NYAP2: variants seen among roughly 807,000 people sequenced by gnomAD.
NYAP2 encodes the protein neuronal tyrosine-phosphorylated phosphoinositide-3-kinase adapter 2.
In NYAP2, 23 loss-of-function variants were observed where a neutral mutation model predicts 50.4. The ratio of observed to expected loss-of-function variants is 0.46; its 90% CI spans 0.33 to 0.65. The LOEUF is 0.65. Among genes scored for constraint, NYAP2 ranks in the 30% least tolerant of loss-of-function variants. NYAP2 has a pLI of 0.02. For synonymous variants in NYAP2, 394 were observed against 365.2 expected, an observed-to-expected ratio of 1.08 and a Z score of -0.90; for missense variants, 885 against 861.0, an observed-to-expected ratio of 1.03 and a Z score of -0.35.
chr2:225,422,910 A>G (rs957668101), intron 3 of NYAP2, among the ~76,000 whole-genome samples: 11 of 152,178 alleles, frequency 7.2e-5, no homozygotes, highest in African/African-American at 2.4e-4. Flanking sequence ...GCTAGCTATC[A>G]GAAGCTCTCA....
At chr2:225,579,912 A>G (rs981176543) in intron 4 of NYAP2, among the ~76,000 whole-genome samples, 4 of 152,338 alleles carry the variant, frequency 2.6e-5, no homozygotes, top group African/African-American at 9.6e-5. Flanking sequence ...ATAATTCTAA[A>G]TATGATTATT....
At chr2:225,687,676 T>C in the NYAP2 span, among the ~76,000 whole-genome samples, 1 of 152,186 alleles carries the variant, frequency 6.6e-6, no homozygotes, top group Non-Finnish European at 1.5e-5. Context: ...TGCATAGAGA[T>C]ACATGGATAC....
At chr2:225,471,991 C>T (rs1415266453) in intron 3 of NYAP2, among the ~76,000 whole-genome samples, 1 of 152,150 alleles carries the variant, frequency 6.6e-6, no homozygotes, top group Non-Finnish European at 1.5e-5. Flanking sequence ...ATTCCCTGAA[C>T]TGGGTATGTA....
chr2:225,645,897 C>CTT (rs1693628520), intron 6 of NYAP2, among the ~76,000 whole-genome samples: 2 of 43,804 alleles, frequency 4.6e-5, no homozygotes, highest in African/African-American at 1.7e-4. Flanking sequence ...TTTAGATGCA[C>CTT]AGATCCTAAA....
At chr2:225,512,284 A>G (rs1374554930) in intron 3 of NYAP2, among the ~76,000 whole-genome samples, 2 of 152,234 alleles carry the variant, frequency 1.3e-5, no homozygotes, top group Non-Finnish European at 2.9e-5. Context: ...CTGAATATTT[A>G]TGAAGTATTA....
chr2:225,609,614 A>T (rs1206381796), intron 5 of NYAP2, among the ~76,000 whole-genome samples: 1 of 151,992 alleles, frequency 6.6e-6, no homozygotes, highest in Non-Finnish European at 1.5e-5. Context: ...GGCTTCATGG[A>T]CTCCTTGTCC....
At chr2:225,547,857 T>C (rs1190445300) in intron 4 of NYAP2, among the ~76,000 whole-genome samples, 1 of 152,126 alleles carries the variant, frequency 6.6e-6, no homozygotes, top group Non-Finnish European at 1.5e-5. Context: ...TCCCGTGGGG[T>C]TGGGGTGGTG....
chr2:225,576,024 T>A (rs1181952986), intron 4 of NYAP2, among the ~76,000 whole-genome samples: 1 of 152,236 alleles, frequency 6.6e-6, no homozygotes, highest in Non-Finnish European at 1.5e-5. Flanking sequence ...AATGAACACT[T>A]CAAAGAACAG....
chr2:225,612,731 C>T (rs1339298793), intron 5 of NYAP2, among the ~76,000 whole-genome samples: 5 of 143,724 alleles, frequency 3.5e-5, no homozygotes, highest in South Asian at 2.1e-4. Context: ...GCACTAATCC[C>T]GTCATGGAGG....
At position 225,464,609 on chromosome 2, in the gene NYAP2, T is replaced by C. The variant is rs116758751; in HGVS notation, c.222-48762T>C. 4.7e-3 allele frequency among the ~76,000 whole-genome samples: 714 copies of C among 152,344 alleles called. 6 individuals are homozygous for C. The highest frequency in any genetic ancestry group is 0.016 in the African/African-American group (665 of 41,572). On this transcript the variant is annotated intron_variant, in intron 3 of 6. Transcript: ENST00000636099. ...GGGACAGGGGCTTGTGGATCCATGG[T>C]TACCAGAACTTTTGGATTAAGGAGA...
At chr2:225,628,824 T>C (rs1693258699) in intron 6 of NYAP2, among the ~76,000 whole-genome samples, 1 of 152,136 alleles carries the variant, frequency 6.6e-6, no homozygotes, top group Non-Finnish European at 1.5e-5. Flanking sequence ...TCAGAAGCAT[T>C]CTCTGGGTTT....
rs141628980 is a variant in NYAP2, at chr2:225,449,217, G to A, written c.221+40116G>A. On this transcript the variant is annotated intron_variant, in intron 3 of 6. Transcript: ENST00000636099. ...CATAATATTAGGTGTTCACTCACTA[G>A]GAGTCATTTATCCTTGAATGTATTT... Among the ~76,000 whole-genome samples, 383 of 152,268 alleles carry A rather than the reference G, an allele frequency of 2.5e-3. 3 individuals carry two copies. The highest frequency in any genetic ancestry group is 8.8e-3 in the African/African-American group (366 of 41,554).
Position 225,642,912 on chromosome 2 carries a change from A to C in NYAP2, c.1829-8520A>C, listed in dbSNP as rs542800219. Among the ~76,000 whole-genome samples the C allele has an allele frequency of 2.6e-5, 4 of 152,308 alleles. No individual in the cohort carries two copies. The East Asian group carries it at 7.7e-4, about 29-fold the overall frequency. Reference sequence around the variant, plus strand: ...AAAACTATTTACTACCAAAACTTTTATCAACAGTGTTAGAACATTTGAACA... The same window carrying C: ...AAAACTATTTACTACCAAAACTTTTCTCAACAGTGTTAGAACATTTGAACA... On this transcript the variant is annotated intron_variant, in intron 6 of 6. Coordinates refer to ENST00000636099, the Ensembl canonical transcript of NYAP2.
intron 3 of NYAP2, among the ~76,000 whole-genome samples, chr2:225,463,938 G>C (rs1174021900): frequency 1.3e-5 from 2 of 152,160 alleles, no homozygotes; most frequent in Non-Finnish European, 2.9e-5. Flanking sequence ...CCTTAGAGCA[G>C]TTGTAGAGAT....
chr2:225,573,033 G>T (rs1692103177), intron 4 of NYAP2, among the ~76,000 whole-genome samples: 1 of 151,966 alleles, frequency 6.6e-6, no homozygotes. Flanking sequence ...ATACTCAAAG[G>T]AAAGCTTACT....
At chr2:225,630,307 A>C (rs1559235059) in intron 6 of NYAP2, among the ~76,000 whole-genome samples, 1 of 152,202 alleles carries the variant, frequency 6.6e-6, no homozygotes, top group Non-Finnish European at 1.5e-5. Flanking sequence ...TCAAGCTCCG[A>C]GGTAGGCAGT....
intron 4 of NYAP2, among the ~76,000 whole-genome samples, chr2:225,531,500 A>C (rs141679992): frequency 1.2e-4 from 19 of 152,320 alleles, no homozygotes; most frequent in African/African-American, 3.8e-4. Context: ...TATACCTTAG[A>C]GACATGGACC....
intron 3 of NYAP2, among the ~76,000 whole-genome samples, chr2:225,457,146 G>A (rs531487807): frequency 3.9e-5 from 6 of 152,160 alleles, no homozygotes; most frequent in African/African-American, 7.2e-5. Flanking sequence ...CTGGTCCTAC[G>A]CTATGCGGAG....
the NYAP2 span, among the ~76,000 whole-genome samples, chr2:225,696,869 T>C: frequency 1.3e-5 from 2 of 151,988 alleles, no homozygotes; most frequent in Non-Finnish European, 2.9e-5. Context: ...TTCATCACTA[T>C]GGGTTAATAA....
Sources: allele counts gnomAD v4.1 joint callset (sites outside exome capture counted in the v4.1 genomes callset), GRCh38; gene constraint gnomAD v4.1.1; transcripts MANE v1.5; gene names NCBI Gene and HGNC (gene_info 2026-07-23, HGNC 2026-07-21).